Variants in OSBPL1A observed in about 807,000 individuals in gnomAD.
OSBPL1A encodes oxysterol binding protein like 1A.
Under a neutral mutation model 137.1 loss-of-function variants are expected in OSBPL1A, and 80 were observed. The observed-to-expected ratio is 0.58, with a 90% CI of 0.49 to 0.70. The LOEUF is 0.70. OSBPL1A is among the 30% of genes least tolerant of loss of function. The pLI is 0.00. For synonymous variants in OSBPL1A, 365 were observed against 389.7 expected, an observed-to-expected ratio of 0.94 and a Z score of 0.75; for missense variants, 970 against 1,129.4, an observed-to-expected ratio of 0.86 and a Z score of 2.02.
At chr18:24,316,567 A>G (rs930733841) in intron 11 of OSBPL1A, among the ~76,000 whole-genome samples, 2 of 152,228 alleles carry the variant, frequency 1.3e-5, no homozygotes, top group African/African-American at 4.8e-5. Flanking sequence ...ACAAGAGATA[A>G]AGAGGGCCAC....
chr18:24,308,850 C>T lies in OSBPL1A; in HGVS notation c.1092+3134G>A, dbSNP rs138731511. 2.6e-3 allele frequency among the ~76,000 whole-genome samples: 390 copies of T among 152,032 alleles called. 1 individual carries two copies. The highest frequency in any genetic ancestry group is 4.3e-3 in the Non-Finnish European group (291 of 67,972). On this transcript the variant is annotated intron_variant, in intron 13 of 27. Transcript: ENST00000319481. Reference sequence around the variant, plus strand: ...CAATCTCACCTCACTGCAACCTGTGCGCCCCGCCCCGCTGGGTTCAAGCAA... The same window carrying T: ...CAATCTCACCTCACTGCAACCTGTGTGCCCCGCCCCGCTGGGTTCAAGCAA...
chr18:24,334,809 A>T (rs1251947324), intron 5 of OSBPL1A, among the ~76,000 whole-genome samples: 1 of 152,244 alleles, frequency 6.6e-6, no homozygotes, highest in Non-Finnish European at 1.5e-5. Context: ...TGAGAAAGTC[A>T]TCTGTCCATA....
In OSBPL1A at chr18:24,166,660, C is replaced by T. The variant is rs575069379; in HGVS notation, c.2578G>A (p.Asp860Asn). Residue 860 changes from aspartate (D) to asparagine (N), a missense_variant, in exon 26 of 28, where the codon GAC (aspartate) becomes AAC (asparagine). Asp to Asn is a conservative substitution (Grantham distance 23, BLOSUM62 1). This residue lies in a region of OSBPL1A where 323 missense variants were observed against 456.8 expected (regional missense o/e 0.71). Transcript: ENST00000319481. ...TSFAMVLNEV[D>N]KDMESVIPKT... ...GGAATCACACTCTCCATGTCTTTGT[C>T]TACTTCATTCAAAACCATTGCAAAA... 1.9e-6 allele frequency: 3 copies of T among 1,612,976 alleles called. No individual in the cohort carries two copies. Among genetic ancestry groups the T allele is most frequent in the African/African-American group, 1.3e-5 (1 of 74,928 alleles).
chr18:24,290,523 A>C (rs566079645), intron 14 of OSBPL1A, among the ~76,000 whole-genome samples: 1 of 152,270 alleles, frequency 6.6e-6, no homozygotes, highest in Admixed American at 6.5e-5. Flanking sequence ...TTTACTAAAA[A>C]TACAAAAGTA....
chr18:24,248,504 G>A (rs141056698), intron 15 of OSBPL1A, among the ~76,000 whole-genome samples: 129 of 152,328 alleles, frequency 8.5e-4, no homozygotes, highest in Middle Eastern at 3.4e-3. Flanking sequence ...CACTCAGAAT[G>A]ACCTCTGCAT....
chr18:24,352,153 T>C (rs2091451208), intron 4 of OSBPL1A, among the ~76,000 whole-genome samples: 1 of 151,586 alleles, frequency 6.6e-6, no homozygotes, highest in Non-Finnish European at 1.5e-5. Context: ...AAAAAGCATA[T>C]AAATTAGGTG....
intron 9 of OSBPL1A, among the ~76,000 whole-genome samples, chr18:24,318,211 C>T (rs530439272): frequency 1.6e-4 from 25 of 152,056 alleles, no homozygotes; most frequent in Admixed American, 1.2e-3. Context: ...TCTGGGAGGC[C>T]AAGGCGGGTG....
chr18:24,296,216 T>C (rs2090288829), intron 14 of OSBPL1A, among the ~76,000 whole-genome samples: 1 of 152,208 alleles, frequency 6.6e-6, no homozygotes, highest in Admixed American at 6.5e-5. Context: ...TAGAGAGCTT[T>C]CACCTCCTTG....
chr18:24,272,054 C>G (rs1360778115), intron 15 of OSBPL1A: 2 of 982,616 alleles, frequency 2.0e-6, no homozygotes, highest in Middle Eastern at 5.2e-4. Context: ...CGCTCCTCCC[C>G]TTCCCCAGCG....
chr18:24,393,760 G>GT lies in OSBPL1A; in HGVS notation c.-3+3894dup, dbSNP rs796270217. Among the ~76,000 whole-genome samples the GT allele has an allele frequency of 4.6e-5, 7 of 152,196 alleles. 1 individual carries two copies. The highest frequency in any genetic ancestry group is 1.7e-4 in the African/African-American group (7 of 41,550). The stretch of plus-strand genomic sequence containing the variant: ...GAGCCACTGCACCTGGCATTGCTAT[G>GT]TATTTTATAAAATTCAATTCAGCTG... On this transcript the variant is annotated intron_variant, in intron 1 of 27. Coordinates refer to ENST00000319481, the MANE Select transcript of OSBPL1A (RefSeq NM_080597.4).
In OSBPL1A at chr18:24,334,285, G is replaced by T; in HGVS notation, c.440C>A (p.Ala147Glu). The change falls in exon 6 of 28, where the codon GCA becomes GAA. Residue 147 changes from alanine to glutamate, a missense_variant. Ala to Glu is a moderately radical substitution (Grantham distance 107). Coordinates refer to ENST00000319481, the MANE Select transcript of OSBPL1A (RefSeq NM_080597.4). ...TGTTGTTTTGCCTTCTCTTGCTGCTGCTAAAAGTAATTCTTCAAGCTTTCT... is the reference window on the plus strand; with the variant it reads ...TGTTGTTTTGCCTTCTCTTGCTGCTTCTAAAAGTAATTCTTCAAGCTTTCT... ...QQRKLEELLL[A>E]AAREGKTTEL... 6.2e-7 allele frequency: 1 copy of T among 1,611,836 alleles called. No individual in the cohort carries two copies. Among genetic ancestry groups the T allele is most frequent in the South Asian group, 1.1e-5 (1 of 90,752 alleles).
intron 17 of OSBPL1A, among the ~76,000 whole-genome samples, chr18:24,213,124 C>T (rs1466552392): frequency 6.6e-6 from 1 of 152,164 alleles, no homozygotes; most frequent in East Asian, 1.9e-4. Context: ...ATTTAACCTG[C>T]TGTTAGACCT....
At chr18:24,217,106 C>A (rs2087726188) in intron 17 of OSBPL1A, among the ~76,000 whole-genome samples, 1 of 152,062 alleles carries the variant, frequency 6.6e-6, no homozygotes, top group Non-Finnish European at 1.5e-5. Context: ...TTACTCTGAC[C>A]AAAGAGGGGG....
intron 21 of OSBPL1A, among the ~76,000 whole-genome samples, chr18:24,177,603 G>A (rs918134889): frequency 1.3e-5 from 2 of 152,140 alleles, no homozygotes; most frequent in Admixed American, 6.5e-5. Flanking sequence ...TCTTACAAAA[G>A]AAGAGAACTC....
At chr18:24,234,621 T>A (rs1458868177) in intron 16 of OSBPL1A, among the ~76,000 whole-genome samples, 4 of 152,330 alleles carry the variant, frequency 2.6e-5, no homozygotes, top group South Asian at 4.1e-4. Context: ...TTTCCATTGA[T>A]CTTGCTTATC....
chr18:24,218,633 C>CG (rs2087785259), intron 17 of OSBPL1A, among the ~76,000 whole-genome samples: 2 of 151,790 alleles, frequency 1.3e-5, no homozygotes, highest in Non-Finnish European at 2.9e-5. Flanking sequence ...TTGGTAGAGA[C>CG]GGGGGTTTCA....
At chr18:24,263,184 G>A (rs947309561) in intron 15 of OSBPL1A, among the ~76,000 whole-genome samples, 2 of 152,176 alleles carry the variant, frequency 1.3e-5, no homozygotes, top group African/African-American at 2.4e-5. Flanking sequence ...AAATTTAAAT[G>A]TGCTGGAATC....
chr18:24,369,536 G>C (rs1437908285), intron 2 of OSBPL1A, among the ~76,000 whole-genome samples: 2 of 152,212 alleles, frequency 1.3e-5, no homozygotes, highest in Admixed American at 1.3e-4. Context: ...ACTGTAGATA[G>C]CAGTACCTCA....
At chr18:24,318,830 A>T in intron 7 of OSBPL1A, 21 bp from the exon 8 acceptor site, 1 of 1,605,696 alleles carries the variant, frequency 6.2e-7, no homozygotes, top group Non-Finnish European at 8.5e-7. Context: ...TACAAAGAAA[A>T]AAAGCCATCA....
Sources: gnomAD v4.1 joint callset for allele counts (sites outside exome capture counted in the v4.1 genomes callset) on GRCh38, gnomAD v4.1.1 for gene constraint, gnomAD v4.1.1 regional missense constraint, MANE v1.5 for transcripts, NCBI Gene and HGNC (gene_info 2026-07-23, HGNC 2026-07-21) for gene names.